The following MMP20 variants were observed in gnomAD, a reference collection of about 807,000 sequenced individuals.
The protein encoded by MMP20 is matrix metallopeptidase 20, also known as matrix metalloproteinase-20.
Under a neutral mutation model 51.8 loss-of-function variants are expected in MMP20, and 50 were observed. The ratio of observed to expected loss-of-function variants is 0.97; its 90% CI spans 0.77 to 1.22. The LOEUF (loss-of-function observed/expected upper bound fraction) is 1.22, where lower values mean the gene tolerates loss of function less well. MMP20 is among the 50% of genes most tolerant of loss of function. MMP20 has a pLI of 0.00. For synonymous variants in MMP20, 244 were observed against 216.2 expected (o/e 1.13, Z -1.13); for missense variants, 663 against 601.4 (o/e 1.10, Z -1.07).
Position 102,597,082 on chromosome 11 carries a change from A to G in MMP20, c.954-2325T>C, listed in dbSNP as rs149158592. Reference sequence around the variant, plus strand: ...TTAAGAATATTATAATGATGAGGCCATGTGGGGAAAGTGGGGAGGTAGAGG... The same window carrying G: ...TTAAGAATATTATAATGATGAGGCCGTGTGGGGAAAGTGGGGAGGTAGAGG... On this transcript the variant is annotated intron_variant, in intron 6 of 9. Transcript: ENST00000260228. Among the ~76,000 whole-genome samples, 160 of 152,314 alleles carry G rather than the reference A, an allele frequency of 1.1e-3. 9 individuals are homozygous for G. In the East Asian group the frequency reaches 0.024, roughly 22 times the overall value.
At chr11:102,616,408 C>T (rs1159256515) in intron 2 of MMP20, among the ~76,000 whole-genome samples, 1 of 152,162 alleles carries the variant, frequency 6.6e-6, no homozygotes, top group Non-Finnish European at 1.5e-5. Flanking sequence ...AAATGGAATG[C>T]ATTTCTTGAA....
At chr11:102,623,795 A>G (rs1386160083) in intron 1 of MMP20, among the ~76,000 whole-genome samples, 1 of 152,218 alleles carries the variant, frequency 6.6e-6, no homozygotes, top group Non-Finnish European at 1.5e-5. Context: ...TTCTGGCCTC[A>G]GCATGGCTCT....
rs760348258 is a variant in MMP20, at chr11:102,617,060, C to G, written c.127-1G>C. 6.2e-7 allele frequency: 1 copy of G among 1,614,160 alleles called. No homozygotes were observed. The highest frequency in any genetic ancestry group is 1.7e-5 in the Admixed American group (1 of 60,020). On this transcript the variant is annotated splice_acceptor_variant, in intron 1 of 9. Coordinates refer to ENST00000260228, the MANE Select transcript of MMP20 (RefSeq NM_004771.4). LOFTEE classifies it high-confidence loss of function. ...TTGTGTAATATTTGTCAAGATACGC[C>G]TGAAATGGAGAGGCAGGCTGACGCG...
intron 5 of MMP20, chr11:102,606,932 A>G (rs1859526184): frequency 2.1e-6 from 1 of 479,722 alleles, no homozygotes; most frequent in Admixed American, 3.3e-5. Context: ...TACTCACCTC[A>G]GAAGGCTGTT....
At chr11:102,602,871 G>A (rs1784434) in intron 6 of MMP20, among the ~76,000 whole-genome samples, 77,585 of 152,004 alleles carry the variant, frequency 0.51, 20,326 homozygotes, top group South Asian at 0.66. Flanking sequence ...TAATTTTGGT[G>A]TGGCTACAAT....
At chr11:102,598,617 T>C (rs1859410682) in intron 6 of MMP20, among the ~76,000 whole-genome samples, 1 of 152,224 alleles carries the variant, frequency 6.6e-6, no homozygotes, top group South Asian at 2.1e-4. Context: ...AACTAACTCA[T>C]CAAATTTGAG....
At position 102,606,661 on chromosome 11, in the gene MMP20, A is replaced by G. The variant is rs1859521862; in HGVS notation, c.827T>C (p.Phe276Ser). ...IQALYGPRKV[F>S]LGKPTLPHAP... Reference sequence around the variant, plus strand: ...ATGGGGCAGAGTGGGCTTCCCCAGGAATACTTTCCGAGGTCCTAGGATTCA... The same window carrying G: ...ATGGGGCAGAGTGGGCTTCCCCAGGGATACTTTCCGAGGTCCTAGGATTCA... The change falls in exon 6 of 10, where the codon TTC (phenylalanine) becomes TCC (serine). Residue 276 changes from phenylalanine to serine, a missense_variant. Physicochemically the swap from Phe to Ser is radical, Grantham distance 155 (BLOSUM62 -2). Coordinates refer to ENST00000260228, the MANE Select transcript of MMP20 (RefSeq NM_004771.4). 1 of 1,614,098 alleles carries G rather than the reference A, an allele frequency of 6.2e-7. No homozygotes were observed. The highest frequency in any genetic ancestry group is 1.1e-5 in the South Asian group (1 of 91,072).
intron 7 of MMP20, among the ~76,000 whole-genome samples, chr11:102,593,905 G>T (rs1053453979): frequency 1.3e-5 from 2 of 152,122 alleles, no homozygotes; most frequent in Admixed American, 1.3e-4. Context: ...ATAGATCTAC[G>T]AGAGAGAATG....
chr11:102,625,222 G>T lies in MMP20; in HGVS notation c.98C>A (p.Thr33Asn), dbSNP rs779607544. The T allele has an allele frequency of 2.5e-6, 4 of 1,614,010 alleles. No individual in the cohort carries two copies. In the South Asian group the frequency reaches 4.4e-5, roughly 18 times the overall value. The change falls in exon 1 of 10, where the codon ACC (threonine) becomes AAC (asparagine). Residue 33 changes from threonine to asparagine, a missense_variant. Transcript: ENST00000260228. Reference sequence around the variant, plus strand: ...TGCGAGGCGGTAGTTGTTCCTCCAGGTCCTGGGGGAGGCTGCAACTAGGGA... The same window carrying T: ...TGCGAGGCGGTAGTTGTTCCTCCAGTTCCTGGGGGAGGCTGCAACTAGGGA... ...APSLVAASPR[T>N]WRNNYRLAQA...
intron 1 of MMP20, among the ~76,000 whole-genome samples, chr11:102,624,432 A>G (rs1416589652): frequency 5.2e-5 from 1 of 19,146 alleles, no homozygotes. Context: ...ATATATATAT[A>G]TATATATATA....
intron 8 of MMP20, among the ~76,000 whole-genome samples, chr11:102,592,840 G>A (rs1711443): frequency 0.51 from 77,345 of 152,100 alleles, 20,271 homozygotes; most frequent in South Asian, 0.67. Flanking sequence ...GATAAGGTGT[G>A]ACCCTATGTG....
At chr11:102,602,706 C>T (rs1859463333) in intron 6 of MMP20, among the ~76,000 whole-genome samples, 1 of 152,190 alleles carries the variant, frequency 6.6e-6, no homozygotes, top group South Asian at 2.1e-4. Context: ...CTTATCTCTA[C>T]ACTGAAGGAT....
rs113442774 is a variant in MMP20, at chr11:102,614,830, T to C, written c.374+1982A>G. ...AAAAAAAAAACCCACTTGATTTGCA[T>C]GACTTGCTGATTTCTGTGTTGTAAA... On this transcript the variant is annotated intron_variant, in intron 2 of 9. Transcript: ENST00000260228. Among the ~76,000 whole-genome samples, 1,441 of 151,900 alleles carry C rather than the reference T, an allele frequency of 9.5e-3. 35 individuals carry two copies. Among genetic ancestry groups the C allele is most frequent in the African/African-American group, 0.033 (1,373 of 41,424 alleles).
intron 3 of MMP20, among the ~76,000 whole-genome samples, chr11:102,610,711 T>C (rs1859587454): frequency 6.6e-6 from 1 of 152,058 alleles, no homozygotes; most frequent in South Asian, 2.1e-4. Flanking sequence ...ATAAGGGATA[T>C]AGTTTACCAC....
At chr11:102,603,963 T>C (rs1859480722) in intron 6 of MMP20, among the ~76,000 whole-genome samples, 1 of 152,216 alleles carries the variant, frequency 6.6e-6, no homozygotes, top group Non-Finnish European at 1.5e-5. Flanking sequence ...AAAAGATGTA[T>C]TGACTTTAAG....
chr11:102,624,401 C>CATATATATATATAT (rs58212685), intron 1 of MMP20, among the ~76,000 whole-genome samples: 2 of 140,264 alleles, frequency 1.4e-5, no homozygotes, highest in Admixed American at 7.2e-5. Context: ...CGCTTGGAAG[C>CATATATATATATAT]ATATATATAT....
chr11:102,603,067 T>C (rs1859469307), intron 6 of MMP20, among the ~76,000 whole-genome samples: 1 of 152,264 alleles, frequency 6.6e-6, no homozygotes, highest in Non-Finnish European at 1.5e-5. Context: ...TGTACGTTTA[T>C]ACACTATGGA....
At chr11:102,579,228 A>G (rs527408975) in intron 8 of MMP20, 86 bp from the exon 9 acceptor site, 4 of 807,852 alleles carry the variant, frequency 5.0e-6, no homozygotes, top group Non-Finnish European at 8.4e-6. Context: ...GCATATGGAC[A>G]CATAACTTAT....
intron 8 of MMP20, among the ~76,000 whole-genome samples, chr11:102,586,634 A>G (rs898812463): frequency 5.9e-5 from 9 of 152,030 alleles, no homozygotes; most frequent in Admixed American, 5.2e-4. Context: ...TAACACGGTG[A>G]AACCCCATCT....
Sources: gnomAD v4.1 joint callset for allele counts (sites outside exome capture counted in the v4.1 genomes callset) on GRCh38, gnomAD v4.1.1 for gene constraint, MANE v1.5 for transcripts, NCBI Gene and HGNC (gene_info 2026-07-23, HGNC 2026-07-21) for gene names.